LDHC: variants seen among roughly 807,000 people sequenced by gnomAD.
The protein encoded by LDHC is L-lactate dehydrogenase C chain.
LDHC carries 20 observed loss-of-function variants against 30.2 expected under a neutral mutation model. That is an observed-to-expected ratio of 0.66 (90% confidence interval 0.47 to 0.96). The LOEUF (loss-of-function observed/expected upper bound fraction) is 0.96. LDHC is among the 40% of genes least tolerant of loss of function. The pLI is 0.00. For missense variants in LDHC, 362 were observed against 394.9 expected, an observed-to-expected ratio of 0.92 and a Z score of 0.71; for synonymous variants, 139 against 132.7, an observed-to-expected ratio of 1.05 and a Z score of -0.32.
intron 4 of LDHC, 63 bp from the exon 5 acceptor site, chr11:18,434,677 G>A (rs1848324680): frequency 1.0e-6 from 1 of 995,208 alleles, no homozygotes; most frequent in Non-Finnish European, 1.6e-6. Flanking sequence ...TATGTATTCA[G>A]GAAAAAAAAA....
In LDHC at chr11:18,451,879, G is replaced by C. The variant is rs894893827; in HGVS notation, c.*752G>C. On this transcript the variant is annotated 3_prime_UTR_variant, in exon 8 of 8. Transcript: ENST00000541669. ...AGATAACTTGAGCCCAGGAGTTCAA[G>C]GCTATGATTGTGTCACTGCACTCCA... is the stretch of plus-strand genomic sequence containing the variant. 1.3e-5 allele frequency: 2 copies of C among 152,078 alleles called. No homozygotes were observed. Among genetic ancestry groups the C allele is most frequent in the Non-Finnish European group, 2.9e-5 (2 of 68,032 alleles). 9.4% of individuals were successfully genotyped at this position (152,078 alleles called of 1,614,324 possible).
intron 3 of LDHC, 81 bp from the exon 4 acceptor site, chr11:18,429,656 C>T: frequency 4.1e-6 from 3 of 734,372 alleles, no homozygotes; most frequent in Non-Finnish European, 6.6e-6. Context: ...ATACTAAGAA[C>T]ATACAATAGA....
In LDHC at chr11:18,413,031, CT is replaced by C. The variant is rs146653403; in HGVS notation, c.126+197del. Among the ~76,000 whole-genome samples, 111 of 136,412 alleles carry C rather than the reference CT, an allele frequency of 8.1e-4. 1 individual carries two copies. The highest frequency in any genetic ancestry group is 2.6e-3 in the African/African-American group (99 of 37,662). 89.5% of individuals were successfully genotyped at this position (136,412 alleles called of 152,430 possible). ...CCTTTTTCTTTCTCTCTTTCTTTTC[CT>C]TTTTTTTTAAACTTCTTCTTTCTTT... is the stretch of plus-strand genomic sequence containing the variant. On this transcript the variant is annotated intron_variant, in intron 2 of 7. Coordinates refer to ENST00000541669, the MANE Select transcript of LDHC (RefSeq NM_017448.5).
At chr11:18,426,197 A>G (rs527359054) in intron 3 of LDHC, among the ~76,000 whole-genome samples, 15 of 151,996 alleles carry the variant, frequency 9.9e-5, no homozygotes, top group Non-Finnish European at 2.2e-4. Context: ...TCTCATATGT[A>G]CAGTGAGTCC....
chr11:18,446,935 G>A (rs570640351), intron 7 of LDHC, among the ~76,000 whole-genome samples: 186 of 152,250 alleles, frequency 1.2e-3, no homozygotes, highest in Non-Finnish European at 1.7e-3. Context: ...TTGTTACACA[G>A]ATAAGATGCT....
intron 3 of LDHC, among the ~76,000 whole-genome samples, chr11:18,418,430 T>C (rs2134047628): frequency 6.6e-6 from 1 of 151,176 alleles, no homozygotes; most frequent in East Asian, 1.9e-4. Flanking sequence ...ATTACTATTT[T>C]ATTTTATTTT....
intron 3 of LDHC, among the ~76,000 whole-genome samples, chr11:18,416,987 G>A (rs755658109): frequency 6.6e-6 from 1 of 152,086 alleles, no homozygotes; most frequent in Non-Finnish European, 1.5e-5. Context: ...AGGTTCAAAC[G>A]ATTCTCCTGC....
At chr11:18,444,835 A>T (rs776538341) in intron 6 of LDHC, among the ~76,000 whole-genome samples, 1 of 151,702 alleles carries the variant, frequency 6.6e-6, no homozygotes, top group African/African-American at 2.4e-5. Context: ...TTGACTGTCA[A>T]TCCAAACCTG....
At chr11:18,418,750 T>TA (rs1260953786) in intron 3 of LDHC, among the ~76,000 whole-genome samples, 1 of 152,154 alleles carries the variant, frequency 6.6e-6, no homozygotes, top group African/African-American at 2.4e-5. Context: ...CTTGAAAACA[T>TA]ATTCAACTTT....
intron 3 of LDHC, among the ~76,000 whole-genome samples, chr11:18,424,782 C>G (rs762911207): frequency 6.6e-6 from 1 of 152,104 alleles, no homozygotes; most frequent in East Asian, 1.9e-4. Context: ...CCGAGGTGGG[C>G]GGATCACTTG....
intron 3 of LDHC, among the ~76,000 whole-genome samples, chr11:18,422,733 A>G (rs113329412): frequency 0.013 from 2,045 of 152,094 alleles, 71 homozygotes; most frequent in African/African-American, 0.047. Flanking sequence ...CTGTAATCCT[A>G]GCACTTTGGG....
chr11:18,419,414 T>A (rs1867079659), intron 3 of LDHC, among the ~76,000 whole-genome samples: 1 of 152,230 alleles, frequency 6.6e-6, no homozygotes, highest in Admixed American at 6.5e-5. Flanking sequence ...ATTGAATGTC[T>A]TAGACACTTT....
At chr11:18,438,290 T>TA (rs929107211) in intron 5 of LDHC, among the ~76,000 whole-genome samples, 3 of 152,090 alleles carry the variant, frequency 2.0e-5, no homozygotes, top group African/African-American at 7.2e-5. Context: ...CACATGAACT[T>TA]AGAGTGAAGA....
chr11:18,438,988 A>G (rs1848408337), intron 6 of LDHC, among the ~76,000 whole-genome samples: 1 of 152,182 alleles, frequency 6.6e-6, no homozygotes, highest in Non-Finnish European at 1.5e-5. Flanking sequence ...TTGTTTACTT[A>G]TCTTCGAAAT....
chr11:18,426,962 T>A (rs1848171159), intron 3 of LDHC, among the ~76,000 whole-genome samples: 1 of 152,240 alleles, frequency 6.6e-6, no homozygotes, highest in South Asian at 2.1e-4. Flanking sequence ...AATATAATAA[T>A]AATGTTAATT....
intron 7 of LDHC, among the ~76,000 whole-genome samples, chr11:18,447,300 A>G (rs988741605): frequency 4.0e-5 from 6 of 151,524 alleles, no homozygotes; most frequent in Non-Finnish European, 7.4e-5. Context: ...CACCCGGCTA[A>G]TTTTTTTTGT....
intron 7 of LDHC, among the ~76,000 whole-genome samples, chr11:18,447,256 C>T (rs2133847966): frequency 6.6e-6 from 1 of 152,046 alleles, no homozygotes; most frequent in East Asian, 1.9e-4. Flanking sequence ...GCCTCAGCCT[C>T]CCAAGTAGCT....
chr11:18,443,460 C>CTTTTTTTTT (rs34546967), intron 6 of LDHC, among the ~76,000 whole-genome samples: 2 of 135,758 alleles, frequency 1.5e-5, no homozygotes, highest in Non-Finnish European at 3.1e-5. Flanking sequence ...TTCTTTCTTT[C>CTTTTTTTTT]TTTTTTTTTT....
chr11:18,432,907 GC>G (rs1848293553), intron 4 of LDHC, among the ~76,000 whole-genome samples: 1 of 152,184 alleles, frequency 6.6e-6, no homozygotes. Flanking sequence ...TATCCATTCT[GC>G]AGTTCTTTAT....
Sources: gnomAD v4.1 joint callset for allele counts (sites outside exome capture counted in the v4.1 genomes callset) on GRCh38, gnomAD v4.1.1 for gene constraint, MANE v1.5 for transcripts, NCBI Gene and HGNC (gene_info 2026-07-23, HGNC 2026-07-21) for gene names.